Variants in CHST9 observed in about 807,000 individuals in gnomAD.
The protein encoded by CHST9 is GalNAc-4-sulfotransferase 2.
A neutral mutation model predicts 44.4 loss-of-function variants in CHST9; 41 were observed. The observed-to-expected ratio is 0.92, with a 90% CI of 0.72 to 1.20. CHST9 has a LOEUF of 1.20. Ranked by LOEUF, CHST9 falls within the 50% of genes most tolerant of loss-of-function variation. CHST9 has a pLI of 0.00. For synonymous variants in CHST9, 171 were observed against 178.4 expected, an observed-to-expected ratio of 0.96 and a Z score of 0.33; for missense variants, 504 against 516.5, an observed-to-expected ratio of 0.98 and a Z score of 0.23.
chr18:26,974,650 G>A (rs1157846343), intron 4 of CHST9, among the ~76,000 whole-genome samples: 1 of 151,546 alleles, frequency 6.6e-6, no homozygotes. Context: ...GGCAGAGCAG[G>A]CATACTTATT....
chr18:27,182,662 T>C (rs896381480), intron 1 of CHST9, among the ~76,000 whole-genome samples: 1 of 152,198 alleles, frequency 6.6e-6, no homozygotes, highest in Non-Finnish European at 1.5e-5. Context: ...GGGAAATCTT[T>C]CTTGGATAGG....
rs2055481478 is a variant in CHST9, at chr18:26,914,330, A to G, written c.*1929T>C. On this transcript the variant is annotated 3_prime_UTR_variant, in exon 6 of 6. Coordinates refer to ENST00000618847, the MANE Select transcript of CHST9 (RefSeq NM_031422.6). ...TTTGAGGAAATTGCCTTTATTCTTTATAGTGGATTTCATATAAAGCAAGTT... is the reference window on the plus strand; with the variant it reads ...TTTGAGGAAATTGCCTTTATTCTTTGTAGTGGATTTCATATAAAGCAAGTT... 6.6e-6 allele frequency: 1 copy of G among 152,138 alleles called. No homozygotes were observed. Among genetic ancestry groups the G allele is most frequent in the African/African-American group, 2.4e-5 (1 of 41,442 alleles). 9.4% of individuals were successfully genotyped at this position (152,138 alleles called of 1,614,324 possible). A position where few individuals can be genotyped will look rare whatever the true frequency, so the allele number is the denominator to read the frequency against.
chr18:27,118,269 T>G (rs2058345899), intron 2 of CHST9, among the ~76,000 whole-genome samples: 1 of 152,150 alleles, frequency 6.6e-6, no homozygotes, highest in Non-Finnish European at 1.5e-5. Flanking sequence ...GCTTCAGGAG[T>G]TCTTTGTATA....
intron 2 of CHST9, among the ~76,000 whole-genome samples, chr18:27,140,236 G>T (rs1338891789): frequency 6.6e-6 from 1 of 152,146 alleles, no homozygotes; most frequent in East Asian, 1.9e-4. Context: ...ACAAGGCCAT[G>T]CAAAGCCTTG....
chr18:26,982,732 C>T (rs1399961956), intron 4 of CHST9, among the ~76,000 whole-genome samples: 1 of 152,174 alleles, frequency 6.6e-6, no homozygotes, highest in Non-Finnish European at 1.5e-5. Flanking sequence ...TCTCCATTTA[C>T]TGTACCTTGT....
chr18:27,120,795 T>A (rs1210916364), intron 2 of CHST9, among the ~76,000 whole-genome samples: 8 of 152,176 alleles, frequency 5.3e-5, no homozygotes, highest in Non-Finnish European at 8.8e-5. Context: ...CATATTTGGA[T>A]GGGAAACTCA....
intron 4 of CHST9, among the ~76,000 whole-genome samples, chr18:26,995,362 C>T (rs772669880): frequency 1.1e-4 from 17 of 150,254 alleles, no homozygotes; most frequent in African/African-American, 2.7e-4. Context: ...GGCATGAACC[C>T]GGGAGGCGGA....
chr18:27,032,153 C>G (rs1215345591), intron 3 of CHST9, among the ~76,000 whole-genome samples: 1 of 152,126 alleles, frequency 6.6e-6, no homozygotes, highest in East Asian at 1.9e-4. Context: ...CCTTTTGTGC[C>G]ACTGGTCTCT....
intron 4 of CHST9, among the ~76,000 whole-genome samples, chr18:26,958,517 C>T (rs1458233686): frequency 6.6e-6 from 1 of 150,846 alleles, no homozygotes; most frequent in Non-Finnish European, 1.5e-5. Flanking sequence ...TAAAGAGCTT[C>T]AAGAAACCAT....
intron 4 of CHST9, among the ~76,000 whole-genome samples, chr18:26,987,098 G>A (rs183053296): frequency 6.6e-6 from 1 of 152,346 alleles, no homozygotes; most frequent in African/African-American, 2.4e-5. Context: ...ATGGGGCAGA[G>A]TGGGAGGTGT....
At chr18:27,053,256 A>AAGAAGAAGGAGAAGGAGAAGGAGAAGG (rs1568151140) in intron 2 of CHST9, among the ~76,000 whole-genome samples, 2 of 80,590 alleles carry the variant, frequency 2.5e-5, no homozygotes, top group Non-Finnish European at 2.6e-5. Flanking sequence ...GAAGAAGAAG[A>AAGAAGAAGGAGAAGGAGAAGGAGAAGG]AGAAGGAGAA....
At chr18:26,917,856 G>C (rs1353959191) in intron 5 of CHST9, among the ~76,000 whole-genome samples, 1 of 150,122 alleles carries the variant, frequency 6.7e-6, no homozygotes, top group African/African-American at 2.5e-5. Context: ...AGTTTTCTAA[G>C]TGCTTGCAAA....
intron 4 of CHST9, among the ~76,000 whole-genome samples, chr18:26,947,841 A>G (rs191458872): frequency 6.6e-6 from 1 of 152,126 alleles, no homozygotes; most frequent in African/African-American, 2.4e-5. Context: ...CAATGTGGCG[A>G]CTCCTCAAGG....
At chr18:27,062,154 G>T (rs940931940) in intron 2 of CHST9, among the ~76,000 whole-genome samples, 4 of 151,978 alleles carry the variant, frequency 2.6e-5, no homozygotes, top group Non-Finnish European at 4.4e-5. Flanking sequence ...ACTGTTGTTT[G>T]GTCAATTCTT....
chr18:26,986,905 A>C (rs148390179), intron 4 of CHST9, among the ~76,000 whole-genome samples: 2 of 152,318 alleles, frequency 1.3e-5, no homozygotes, highest in African/African-American at 4.8e-5. Flanking sequence ...TTTATAGAAA[A>C]ATAAAAAGGA....
chr18:27,019,601 T>G (rs2057196246), intron 4 of CHST9, among the ~76,000 whole-genome samples: 1 of 140,152 alleles, frequency 7.1e-6, no homozygotes, highest in South Asian at 2.2e-4. Context: ...TATCGAGATC[T>G]CCAAATCGGA....
chr18:26,990,202 C>T (rs2056800364), intron 4 of CHST9, among the ~76,000 whole-genome samples: 1 of 152,022 alleles, frequency 6.6e-6, no homozygotes, highest in South Asian at 2.1e-4. Flanking sequence ...TATAAAATGA[C>T]CTATTGTGAC....
intron 4 of CHST9, among the ~76,000 whole-genome samples, chr18:26,960,797 A>G (rs578170059): frequency 5.3e-5 from 8 of 152,298 alleles, no homozygotes; most frequent in Admixed American, 2.0e-4. Context: ...CCTTTCGAGT[A>G]GCTGGGATTA....
intron 5 of CHST9, among the ~76,000 whole-genome samples, chr18:26,922,086 G>C (rs184024616): frequency 2.0e-4 from 30 of 152,180 alleles, no homozygotes; most frequent in African/African-American, 6.0e-4. Flanking sequence ...GGATCCTCTA[G>C]TATCAGTGAA....
Sources: allele counts gnomAD v4.1 joint callset (sites outside exome capture counted in the v4.1 genomes callset), GRCh38; gene constraint gnomAD v4.1.1; transcripts MANE v1.5; gene names NCBI Gene and HGNC (gene_info 2026-07-23, HGNC 2026-07-21).